The following MCC variants were observed in gnomAD, a reference collection of about 807,000 sequenced individuals.
MCC encodes MCC regulator of Wnt signaling pathway.
In MCC, 90 loss-of-function variants were observed where a neutral mutation model predicts 116.2. That is an observed-to-expected ratio of 0.77 (90% CI 0.65 to 0.92). The LOEUF (loss-of-function observed/expected upper bound fraction) is 0.92. Ranked by LOEUF, MCC falls within the 40% of genes least tolerant of loss-of-function variation. The probability of loss-of-function intolerance (pLI) is 0.00; values close to 1 mark genes in which losing one functional copy is unlikely to be tolerated. For missense variants in MCC, 1,516 were observed against 1,312.2 expected (o/e 1.16, Z -2.40); for synonymous variants, 578 against 510.5 (o/e 1.13, Z -1.78).
At chr5:113,433,996 C>T (rs1185232170) in intron 1 of MCC, 1 of 1,613,912 alleles carries the variant, frequency 6.2e-7, no homozygotes, top group African/African-American at 1.3e-5. Context: ...TTGATGGCCA[C>T]AGAGGGAGAT....
chr5:113,082,309 A>G (rs1161909065), intron 11 of MCC, among the ~76,000 whole-genome samples: 2 of 152,260 alleles, frequency 1.3e-5, no homozygotes, highest in Admixed American at 1.3e-4. Flanking sequence ...CTAGGCAACC[A>G]TCAGGAAGAT....
chr5:113,103,156 A>AGAAAC (rs1756530833), intron 7 of MCC, among the ~76,000 whole-genome samples: 1 of 152,212 alleles, frequency 6.6e-6, no homozygotes, highest in Admixed American at 6.5e-5. Flanking sequence ...AGAAAAGAAA[A>AGAAAC]GAAACAGAAC....
intron 3 of MCC, among the ~76,000 whole-genome samples, chr5:113,219,440 T>C (rs1322385923): frequency 6.6e-6 from 1 of 152,204 alleles, no homozygotes; most frequent in Non-Finnish European, 1.5e-5. Context: ...TAACCACAAA[T>C]GTATCTAAAA....
At chr5:113,183,765 T>C (rs984117453) in intron 3 of MCC, among the ~76,000 whole-genome samples, 16 of 152,054 alleles carry the variant, frequency 1.1e-4, no homozygotes. Flanking sequence ...CTGGAAAACA[T>C]GACTAGCAGG....
intron 3 of MCC, among the ~76,000 whole-genome samples, chr5:113,226,655 G>C (rs1025549558): frequency 6.6e-6 from 1 of 152,174 alleles, no homozygotes; most frequent in Non-Finnish European, 1.5e-5. Context: ...CTTTTCAGGA[G>C]CTTAAATTAA....
chr5:113,433,526 C>T (rs1198394924), intron 1 of MCC: 2 of 635,910 alleles, frequency 3.1e-6, no homozygotes, highest in Non-Finnish European at 5.5e-6. Context: ...AGTCGCACGA[C>T]TGTCTCAGCC....
At chr5:113,249,373 C>G (rs1294784982) in intron 3 of MCC, among the ~76,000 whole-genome samples, 1 of 152,324 alleles carries the variant, frequency 6.6e-6, no homozygotes, top group South Asian at 2.1e-4. Context: ...GACTTACCAA[C>G]TTTACTGAGA....
chr5:113,178,049 G>T (rs1234058712), intron 3 of MCC, among the ~76,000 whole-genome samples: 1 of 152,178 alleles, frequency 6.6e-6, no homozygotes, highest in Non-Finnish European at 1.5e-5. Context: ...AAAACAGTGG[G>T]TAATGTAAGA....
At chr5:113,049,797 G>A (rs1038183716) in intron 15 of MCC, among the ~76,000 whole-genome samples, 1 of 152,172 alleles carries the variant, frequency 6.6e-6, no homozygotes, top group Admixed American at 6.5e-5. Flanking sequence ...CTGTTGCCCT[G>A]TAGCTGGGCC....
intron 2 of MCC, among the ~76,000 whole-genome samples, chr5:113,380,344 G>T (rs956733952): frequency 6.6e-6 from 1 of 152,122 alleles, no homozygotes; most frequent in Non-Finnish European, 1.5e-5. Flanking sequence ...TGTACCATTC[G>T]ATGGCTTCCA....
At chr5:113,185,167 C>T (rs770227224) in intron 3 of MCC, among the ~76,000 whole-genome samples, 5 of 152,172 alleles carry the variant, frequency 3.3e-5, no homozygotes, top group Non-Finnish European at 5.9e-5. Context: ...ATTCATCCAA[C>T]TTTGGATCCT....
chr5:113,114,001 T>G (rs948007267), intron 6 of MCC, among the ~76,000 whole-genome samples: 4 of 152,046 alleles, frequency 2.6e-5, no homozygotes, highest in Non-Finnish European at 5.9e-5. Context: ...CTGTGTTTAT[T>G]ATAGGAGAAG....
chr5:113,230,670 A>T (rs571189689), intron 3 of MCC, among the ~76,000 whole-genome samples: 1 of 152,184 alleles, frequency 6.6e-6, no homozygotes, highest in African/African-American at 2.4e-5. Flanking sequence ...TACTCTTCCT[A>T]TATTTGGAGG....
At chr5:113,049,632 G>A (rs1452307641) in intron 15 of MCC, among the ~76,000 whole-genome samples, 1 of 152,216 alleles carries the variant, frequency 6.6e-6, no homozygotes, top group East Asian at 1.9e-4. Flanking sequence ...GGGCCTTGAT[G>A]GAAACCCATT....
intron 3 of MCC, among the ~76,000 whole-genome samples, chr5:113,189,537 A>G (rs1031878987): frequency 2.6e-5 from 4 of 152,230 alleles, no homozygotes; most frequent in Non-Finnish European, 5.9e-5. Flanking sequence ...CTTGCTTAAA[A>G]GCAGTGTTGG....
At chr5:113,102,970 C>T (rs751993852) in intron 7 of MCC, among the ~76,000 whole-genome samples, 100 of 152,044 alleles carry the variant, frequency 6.6e-4, no homozygotes, top group Non-Finnish European at 1.2e-3. Flanking sequence ...AAAATTTAGC[C>T]GGGCGTGGTG....
chr5:113,035,242 A>C (rs4705754), intron 17 of MCC, among the ~76,000 whole-genome samples: 127,224 of 152,134 alleles, frequency 0.84, 53,240 homozygotes, highest in African/African-American at 0.86. Flanking sequence ...TACTTGGAGT[A>C]AGCCTTAACT....
chr5:113,189,851 A>C lies in MCC; in HGVS notation c.628-38429T>G, dbSNP rs539097294. ...CACAATCTTAATTAAGCAGCCACCT[A>C]TAAAAAGCCCAGTAACCACCATTAC... On this transcript the variant is annotated intron_variant, in intron 3 of 18. Transcript: ENST00000408903. Among the ~76,000 whole-genome samples the C allele has an allele frequency of 2.2e-4, 34 of 152,364 alleles. 1 individual carries two copies. In the South Asian group the frequency reaches 6.2e-3, roughly 28 times the overall value.
chr5:113,107,590 C>A (rs1561356526), intron 6 of MCC, among the ~76,000 whole-genome samples: 1 of 152,170 alleles, frequency 6.6e-6, no homozygotes, highest in African/African-American at 2.4e-5. Flanking sequence ...AAGAACAACT[C>A]AGAGACCACA....
Sources: allele counts gnomAD v4.1 joint callset (sites outside exome capture counted in the v4.1 genomes callset), GRCh38; gene constraint gnomAD v4.1.1; transcripts MANE v1.5; gene names NCBI Gene and HGNC (gene_info 2026-07-23, HGNC 2026-07-21).